Variants in KIF7 observed in about 807,000 individuals in gnomAD.
KIF7 encodes the protein kinesin-like protein KIF7.
A neutral mutation model predicts 135.7 loss-of-function variants in KIF7; 104 were observed. The ratio of observed to expected loss-of-function variants is 0.77; its 90% confidence interval spans 0.65 to 0.90. The LOEUF is 0.90. Among genes scored for constraint, KIF7 ranks in the 40% least tolerant of loss-of-function variants. The probability of loss-of-function intolerance (pLI) is 0.00; values close to 1 mark genes in which losing one functional copy is unlikely to be tolerated. For synonymous variants in KIF7, 883 were observed against 809.4 expected (o/e 1.09, Z -1.54); for missense variants, 2,005 against 1,839.1 (o/e 1.09, Z -1.65).
At chr15:89,618,640 TAGC>T (rs1407953011) in intron 1 of KIF7, among the ~76,000 whole-genome samples, 1 of 152,198 alleles carries the variant, frequency 6.6e-6, no homozygotes, top group African/African-American at 2.4e-5. Flanking sequence ...GCCTGGCACA[TAGC>T]AGGTGATCAG....
At position 89,648,322 on chromosome 15, in the gene KIF7, C is replaced by G; in HGVS notation, c.1376G>C (p.Gly459Ala). ...GERSALSSAS[G>A]PDSGIESASV... ...GGCGCTCTCGATGCCGCTATCGGGC[C>G]CGGAGGCGGAGCTCAGGGCGCTGCG... The change falls in exon 5 of 19, where the codon GGG (glycine) becomes GCG (alanine). Residue 459 changes from glycine to alanine, a missense_variant. By Grantham distance (60) the Gly-to-Ala change is moderately conservative (BLOSUM62 0). Transcript: ENST00000394412. 6.6e-7 allele frequency: 1 copy of G among 1,509,964 alleles called. No individual in the cohort carries two copies. Among genetic ancestry groups the G allele is most frequent in the Non-Finnish European group, 8.8e-7 (1 of 1,131,824 alleles). 93.5% of individuals were successfully genotyped at this position (1,509,964 alleles called of 1,614,324 possible).
chr15:89,633,728 C>A lies in KIF7; in HGVS notation c.2550G>T (p.Arg850=). Residue 850 remains arginine (R), a synonymous_variant, in exon 12 of 19, where the codon CGG becomes CGT. Coordinates refer to ENST00000394412, the MANE Select transcript of KIF7 (RefSeq NM_198525.3). ...RRLREETEQK[R]RLEAEMSKRQ... The stretch of plus-strand genomic sequence containing the variant: ...GCTTGCTCATTTCTGCCTCCAGGCG[C>A]CGCTTCTGCTCCGTCTCCTCGCGAA... The A allele has an allele frequency of 6.2e-7, 1 of 1,608,826 alleles. No homozygotes were observed. The highest frequency in any genetic ancestry group is 1.3e-5 in the African/African-American group (1 of 75,062).
chr15:89,654,864 G>C (rs1186742781), intron 1 of KIF7, among the ~76,000 whole-genome samples: 1 of 152,170 alleles, frequency 6.6e-6, no homozygotes, highest in Admixed American at 6.5e-5. Context: ...GCCCCTATTG[G>C]GCTCCCGACC....
downstream of KIF7, chr15:89,624,673 C>T (rs751787061): frequency 1.3e-5 from 21 of 1,614,110 alleles, no homozygotes; most frequent in Non-Finnish European, 1.8e-5. Context: ...ATCCTCTCCT[C>T]TGCTCATTAC....
rs932064476 is a variant in KIF7 at position 89,648,272 on chromosome 15, C to A, written c.1426G>T (p.Gly476Trp). Residue 476 changes from glycine to tryptophan, a missense_variant, in exon 5 of 19, where the codon GGG (glycine) becomes TGG (tryptophan). Gly to Trp is a radical substitution (Grantham distance 184). Coordinates refer to ENST00000394412, the MANE Select transcript of KIF7 (RefSeq NM_198525.3). ...SASVEDQAAQGAGGRKEDEGA... is the reference protein window; with the variant it reads ...SASVEDQAAQWAGGRKEDEGA... ...TCGGCCACCTTTCGCCCGCCGGCCC[C>A]CTGCGCCGCCTGGTCCTCGACGGAG... is the stretch of plus-strand genomic sequence containing the variant. The A allele has an allele frequency of 2.6e-6, 4 of 1,518,972 alleles. No homozygotes were observed. Among genetic ancestry groups the A allele is most frequent in the African/African-American group, 2.8e-5 (2 of 72,188 alleles). 94.1% of individuals were successfully genotyped at this position (1,518,972 alleles called of 1,614,324 possible). A position where few individuals can be genotyped will look rare whatever the true frequency, so the allele number is the denominator to read the frequency against.
chr15:89,648,215 C>T, intron 5 of KIF7, 40 bp downstream of exon 5: 1 of 1,465,028 alleles, frequency 6.8e-7, no homozygotes, highest in Non-Finnish European at 9.0e-7. Flanking sequence ...CACCACTCCC[C>T]ACTGCCCACA....
At chr15:89,647,806 C>A in intron 5 of KIF7, 94 bp from the exon 6 acceptor site, 1 of 984,312 alleles carries the variant, frequency 1.0e-6, no homozygotes, top group South Asian at 1.5e-5. Context: ...TCTATCTACT[C>A]TTCCAAGCCC....
exon 2 of KIF7, chr15:89,618,194 C>T (rs1214947492): frequency 1.2e-6 from 2 of 1,613,876 alleles, no homozygotes; most frequent in Non-Finnish European, 1.7e-6. Flanking sequence ...TTGAAGAGTC[C>T]CCTGAAAAAG....
At chr15:89,626,101 G>C (rs752125183), downstream of KIF7, 3 of 1,601,178 alleles carry the variant, frequency 1.9e-6, no homozygotes, top group South Asian at 2.3e-5. Flanking sequence ...TCCTGTGACA[G>C]ACTGTCTGAA....
Position 89,632,900 on chromosome 15 carries a change from G to C in KIF7, c.2815C>G (p.Arg939Gly). ...LEELGEELHK[R>G]EAILAKKEAL... ...TCCTTCTTGGCCAGGATGGCCTCCC[G>C]CTTGTGGAGCTCCTCCCCCAGCTCC... Residue 939 changes from arginine (R) to glycine (G), a missense_variant, in exon 14 of 19, where the codon CGG becomes GGG. By Grantham distance (125) the Arg-to-Gly change is moderately radical (BLOSUM62 -2). Transcript: ENST00000394412. 1 of 1,608,984 alleles carries C rather than the reference G, an allele frequency of 6.2e-7. No homozygotes were observed. Among genetic ancestry groups the C allele is most frequent in the African/African-American group, 1.3e-5 (1 of 74,604 alleles).
chr15:89,648,274 T>A lies in KIF7; in HGVS notation c.1424A>T (p.Gln475Leu). Residue 475 changes from glutamine (Q) to leucine (L), a missense_variant, in exon 5 of 19, where the codon CAG becomes CTG. Transcript: ENST00000394412. ...GGCCACCTTTCGCCCGCCGGCCCCC[T>A]GCGCCGCCTGGTCCTCGACGGAGGC... ...ESASVEDQAA[Q>L]GAGGRKEDEG... 1 of 1,518,426 alleles carries A rather than the reference T, an allele frequency of 6.6e-7. No individual in the cohort carries two copies. Among genetic ancestry groups the A allele is most frequent in the Non-Finnish European group, 8.8e-7 (1 of 1,136,298 alleles). 94.1% of individuals were successfully genotyped at this position (1,518,426 alleles called of 1,614,324 possible). A position where few individuals can be genotyped will look rare whatever the true frequency, so the allele number is the denominator to read the frequency against.
intron 7 of KIF7, among the ~76,000 whole-genome samples, 187 bp from the exon 8 acceptor site, chr15:89,646,213 G>T (rs1022480807): frequency 6.6e-6 from 1 of 151,068 alleles, no homozygotes; most frequent in Non-Finnish European, 1.5e-5. Context: ...CTCCCCTCCC[G>T]CCTGCTTTGG....
chr15:89,627,795 G>A (rs1596063140), downstream of KIF7: 1 of 152,406 alleles, frequency 6.6e-6, no homozygotes, highest in South Asian at 2.1e-4. Flanking sequence ...TGCCCCACAG[G>A]AGTGCCCCAC....
At position 89,646,943 on chromosome 15, in the gene KIF7, A is replaced by C; in HGVS notation, c.1675T>G (p.Phe559Val). 1 of 1,613,794 alleles carries C rather than the reference A, an allele frequency of 6.2e-7. No individual in the cohort carries two copies. The highest frequency in any genetic ancestry group is 8.5e-7 in the Non-Finnish European group (1 of 1,179,910). Residue 559 changes from phenylalanine (F) to valine (V), a missense_variant, in exon 7 of 19, where the codon TTT (phenylalanine) becomes GTT (valine). Transcript: ENST00000394412. ...GGGGCTGTATGAGGTCGAGGCACAA[A>C]GGACCCGGGAGGCAGGCCATTCAGG... is the stretch of plus-strand genomic sequence containing the variant. ...RLLNGLPPGSFVPRPHTAPLG... is the reference protein window; with the variant it reads ...RLLNGLPPGSVVPRPHTAPLG...
In KIF7 at chr15:89,628,404, G is replaced by A; in HGVS notation, c.*15C>T. Reference sequence around the variant, plus strand: ...GCTCGGAGTCTCCCTCCAAGGCAGGGTCTGCCCCGAGGGCTTACAGGGGGT... The same window carrying A: ...GCTCGGAGTCTCCCTCCAAGGCAGGATCTGCCCCGAGGGCTTACAGGGGGT... On this transcript the variant is annotated 3_prime_UTR_variant, in exon 19 of 19. Coordinates refer to ENST00000394412, the MANE Select transcript of KIF7 (RefSeq NM_198525.3). 1 of 1,596,698 alleles carries A rather than the reference G, an allele frequency of 6.3e-7. No homozygotes were observed. Among genetic ancestry groups the A allele is most frequent in the Non-Finnish European group, 8.5e-7 (1 of 1,171,768 alleles).
intron 1 of KIF7, 103 bp downstream of exon 1, chr15:89,655,296 G>A (rs1964190871): frequency 1.3e-5 from 2 of 152,254 alleles, no homozygotes; most frequent in Non-Finnish European, 2.9e-5. Context: ...CAGGAGTGCC[G>A]GCTCCCAGGG....
rs74779616 is a variant in KIF7, at chr15:89,631,021, C to T, written c.3111+474G>A. On this transcript the variant is annotated intron_variant, in intron 15 of 18. Transcript: ENST00000394412. ...TATTTGTGTATCTAAACATAGAAAA[C>T]GCACAGTAAAAATGCGGTGTTATAA... 1,741 of 222,100 alleles carry T rather than the reference C, an allele frequency of 7.8e-3. 38 individuals carry two copies. The highest frequency in any genetic ancestry group is 0.037 in the African/African-American group (1,654 of 44,118). The allele number at this position is 222,100 out of a possible 1,614,324, so 13.8% of individuals were successfully genotyped here. A position where few individuals can be genotyped will look rare whatever the true frequency, so the allele number is the denominator to read the frequency against.
chr15:89,640,940 T>G (rs1057063675), intron 11 of KIF7, among the ~76,000 whole-genome samples: 9 of 150,224 alleles, frequency 6.0e-5, no homozygotes, highest in Admixed American at 2.0e-4. Flanking sequence ...GAGGCGGAGG[T>G]TGCAGTAAGC....
chr15:89,629,158 C>T (rs1161790738), intron 17 of KIF7, 36 bp from the exon 18 acceptor site: 2 of 1,557,908 alleles, frequency 1.3e-6, no homozygotes, highest in East Asian at 2.7e-5. Context: ...GTGGTGAGGG[C>T]TGCAGGCGGG....
Sources: gnomAD v4.1 joint callset for allele counts (sites outside exome capture counted in the v4.1 genomes callset) on GRCh38, gnomAD v4.1.1 for gene constraint, MANE v1.5 for transcripts, NCBI Gene and HGNC (gene_info 2026-07-23, HGNC 2026-07-21) for gene names.